Variants in NRTN observed in about 807,000 individuals in gnomAD.
NRTN encodes neurturin.
Under a neutral mutation model 7.5 loss-of-function variants are expected in NRTN, and 3 were observed. The ratio of observed to expected loss-of-function variants is 0.40; its 90% CI spans 0.18 to 1.03. NRTN has a LOEUF of 1.03. Among genes scored for constraint, NRTN ranks in the 50% least tolerant of loss-of-function variants. NRTN has a pLI of 0.34. For missense variants in NRTN, 310 were observed against 307.0 expected, an observed-to-expected ratio of 1.01 and a Z score of -0.07; for synonymous variants, 157 against 146.6, an observed-to-expected ratio of 1.07 and a Z score of -0.51.
rs74726205 is a variant in NRTN, at chr19:5,825,155, C to T, written c.169+821C>T. On this transcript the variant is annotated intron_variant, in intron 2 of 2. Transcript: ENST00000303212. ...TGAGGAGGGGTGGAGAGAGGAGAGACGGGGCTGGGGGCACAGACACGGGCA... is the reference window on the plus strand; with the variant it reads ...TGAGGAGGGGTGGAGAGAGGAGAGATGGGGCTGGGGGCACAGACACGGGCA... 6.6e-3 allele frequency among the ~76,000 whole-genome samples: 998 copies of T among 152,074 alleles called. 3 individuals are homozygous for T. Among genetic ancestry groups the T allele is most frequent in the Non-Finnish European group, 0.011 (741 of 67,950 alleles).
intron 1 of NRTN, among the ~76,000 whole-genome samples, chr19:5,810,282 A>G (rs1350999949): frequency 6.6e-6 from 1 of 151,078 alleles, no homozygotes; most frequent in Admixed American, 6.6e-5. Flanking sequence ...AAAAAAAAAA[A>G]AATTTTTTTT....
chr19:5,821,295 T>C (rs1040719237), intron 1 of NRTN, among the ~76,000 whole-genome samples: 1 of 22,182 alleles, frequency 4.5e-5, no homozygotes, highest in African/African-American at 5.6e-4. Flanking sequence ...AGTGCCTAGC[T>C]TTTTTTTTTT....
chr19:5,827,527 G>T (rs1450096588), intron 2 of NRTN, among the ~76,000 whole-genome samples: 1 of 152,042 alleles, frequency 6.6e-6, no homozygotes, highest in Non-Finnish European at 1.5e-5. Flanking sequence ...ACCAGCGTAG[G>T]GGTGTGAGTG....
Position 5,806,144 on chromosome 19 carries a change from G to A in NRTN, c.-399+693G>A, listed in dbSNP as rs2056974692. On this transcript the variant is annotated intron_variant, in intron 1 of 2. Transcript: ENST00000303212. The surrounding 1 kb of genome is among the most constrained non-coding windows in gnomAD (Gnocchi z 5.4). ...TTTATAAAAGGTGTCTCCTGCACGG[G>A]GATAGCCCCGAATTGTCCCAGGAGG... is the stretch of plus-strand genomic sequence containing the variant. 6.6e-6 allele frequency among the ~76,000 whole-genome samples: 1 copy of A among 152,128 alleles called. No homozygotes were observed. The highest frequency in any genetic ancestry group is 1.5e-5 in the Non-Finnish European group (1 of 68,010).
At chr19:5,817,505 AAGGG>A (rs150950820) in intron 1 of NRTN, among the ~76,000 whole-genome samples, 8,894 of 132,446 alleles carry the variant, frequency 0.067, 628 homozygotes, top group African/African-American at 0.18. Flanking sequence ...GAAAGGAAGG[AAGGG>A]AGGGAGGGAG....
chr19:5,816,503 T>C (rs2057005654), intron 1 of NRTN, among the ~76,000 whole-genome samples: 1 of 152,154 alleles, frequency 6.6e-6, no homozygotes, highest in African/African-American at 2.4e-5. Context: ...TTCAGCCTCC[T>C]GAGTAGCTGG....
chr19:5,815,367 A>G (rs1465444032), intron 1 of NRTN, among the ~76,000 whole-genome samples: 1 of 150,684 alleles, frequency 6.6e-6, no homozygotes, highest in Non-Finnish European at 1.5e-5. Flanking sequence ...GTGTGCAAAC[A>G]CCAGCACGTG....
At chr19:5,812,619 TG>T (rs1321618021) in intron 1 of NRTN, among the ~76,000 whole-genome samples, 3 of 152,146 alleles carry the variant, frequency 2.0e-5, no homozygotes, top group Non-Finnish European at 4.4e-5. Flanking sequence ...ATCCCTCCCA[TG>T]GGGTGGGCCC....
intron 1 of NRTN, among the ~76,000 whole-genome samples, chr19:5,818,565 T>C (rs1212187316): frequency 6.6e-6 from 1 of 152,002 alleles, no homozygotes; most frequent in Non-Finnish European, 1.5e-5. Context: ...CCTGTGTGTG[T>C]GGCCAGGATG....
chr19:5,805,948 G>T (rs1478979984), intron 1 of NRTN, among the ~76,000 whole-genome samples: 2 of 152,052 alleles, frequency 1.3e-5, no homozygotes, highest in South Asian at 4.1e-4. Context: ...GCTCGCCGCC[G>T]CCGCCGCCGG....
chr19:5,807,731 T>C (rs1324746476), intron 1 of NRTN, among the ~76,000 whole-genome samples: 1 of 152,254 alleles, frequency 6.6e-6, no homozygotes, highest in Non-Finnish European at 1.5e-5. Flanking sequence ...AGGGCACTGT[T>C]CGTGCTTAAA....
At chr19:5,819,111 C>T (rs2057014953) in intron 1 of NRTN, among the ~76,000 whole-genome samples, 1 of 152,180 alleles carries the variant, frequency 6.6e-6, no homozygotes, top group African/African-American at 2.4e-5. Context: ...AGGTCCGGGG[C>T]CCGGGTAGGT....
At chr19:5,807,356 G>A (rs549324846) in intron 1 of NRTN, among the ~76,000 whole-genome samples, 1 of 152,248 alleles carries the variant, frequency 6.6e-6, no homozygotes, top group Admixed American at 6.5e-5. Flanking sequence ...TTTGCTGGGG[G>A]GCTGTGGGCT....
Position 5,824,312 on chromosome 19 carries a change from C to T in NRTN, c.147C>T (p.Ala49=). The T allele has an allele frequency of 6.2e-7, 1 of 1,605,346 alleles. No individual in the cohort carries two copies. The highest frequency in any genetic ancestry group is 8.5e-7 in the Non-Finnish European group (1 of 1,177,556). Residue 49 remains alanine (A), a synonymous_variant, in exon 2 of 3, where the codon GCC becomes GCT. Coordinates refer to ENST00000303212, the MANE Select transcript of NRTN (RefSeq NM_004558.5). ...ACCGCCTGCCTCGAACCCTGGACGC[C>T]CGGATTGCCCGCCTGGCCCAGTGTA... The part of the protein sequence containing the change: ...PLHRLPRTLD[A]RIARLAQYRA...
In NRTN at chr19:5,806,007, A is replaced by G. The variant is rs2056974325; in HGVS notation, c.-399+556A>G. On this transcript the variant is annotated intron_variant, in intron 1 of 2. Transcript: ENST00000303212. This position sits in a 1 kb window ranked among gnomAD's most constrained non-coding sequence, Gnocchi z 5.4. Reference sequence around the variant, plus strand: ...GCCGGGCCCTCTCGGCTCCTGGAGCAGCCCGTTCAGCCACCAGAGGGCGTG... The same window carrying G: ...GCCGGGCCCTCTCGGCTCCTGGAGCGGCCCGTTCAGCCACCAGAGGGCGTG... Among the ~76,000 whole-genome samples the G allele has an allele frequency of 6.6e-6, 1 of 152,134 alleles. No homozygotes were observed. Among genetic ancestry groups the G allele is most frequent in the African/African-American group, 2.4e-5 (1 of 41,424 alleles).
chr19:5,813,220 AT>A (rs958838382), intron 1 of NRTN, among the ~76,000 whole-genome samples: 83 of 150,962 alleles, frequency 5.5e-4, no homozygotes, highest in Admixed American at 2.6e-4. Context: ...ATTAAAAAAA[AT>A]TTTTTTTAAT....
At position 5,811,064 on chromosome 19, in the gene NRTN, C is replaced by T. The variant is rs541472717; in HGVS notation, c.-399+5613C>T. Among the ~76,000 whole-genome samples, 5 of 152,004 alleles carry T rather than the reference C, an allele frequency of 3.3e-5. No homozygotes were observed. In the East Asian group the frequency reaches 9.7e-4, roughly 29 times the overall value. On this transcript the variant is annotated intron_variant, in intron 1 of 2. Coordinates refer to ENST00000303212, the MANE Select transcript of NRTN (RefSeq NM_004558.5). ...CCAGCCTGGCCAACATGGTGAAACC[C>T]CGTCTCTACTAAAAATACAAAAAAA...
chr19:5,826,586 CAGCCAGGTGCACCAGCCCGGG>C (rs1180218865), intron 2 of NRTN, among the ~76,000 whole-genome samples: 1 of 152,206 alleles, frequency 6.6e-6, no homozygotes, highest in African/African-American at 2.4e-5. Flanking sequence ...ATTCTTTTGA[CAGCCAGGTGCACCAGCCCGGG>C]GGGCAGGTGG....
At chr19:5,815,060 G>C (rs920592709) in intron 1 of NRTN, among the ~76,000 whole-genome samples, 3 of 152,246 alleles carry the variant, frequency 2.0e-5, no homozygotes, top group Non-Finnish European at 2.9e-5. Context: ...GGCCCCATCT[G>C]CTTCCCCTCC....
Sources: allele counts gnomAD v4.1 joint callset (sites outside exome capture counted in the v4.1 genomes callset), GRCh38; gene constraint gnomAD v4.1.1; non-coding constraint Gnocchi (gnomAD v3.1); transcripts MANE v1.5; gene names NCBI Gene and HGNC (gene_info 2026-07-23, HGNC 2026-07-21).